CYTH3: variants seen among roughly 807,000 people sequenced by gnomAD.
The protein encoded by CYTH3 is cytohesin-3.
CYTH3 carries 23 observed loss-of-function variants against 55.1 expected under a neutral mutation model. That is an observed-to-expected ratio of 0.42 (90% confidence interval 0.30 to 0.59). CYTH3 has a LOEUF of 0.59. Ranked by LOEUF, CYTH3 falls within the 20% of genes least tolerant of loss-of-function variation. The pLI, the probability that CYTH3 is intolerant of heterozygous loss-of-function variation, is 0.20. For missense variants in CYTH3, 413 were observed against 524.8 expected (o/e 0.79, Z 2.08); for synonymous variants, 249 against 194.9 (o/e 1.28, Z -2.31).
chr7:6,193,749 G>A (rs532727066), intron 1 of CYTH3, among the ~76,000 whole-genome samples: 11 of 152,298 alleles, frequency 7.2e-5, no homozygotes, highest in African/African-American at 2.6e-4. Context: ...CGCCACGGAA[G>A]ACTGCTTATT....
chr7:6,232,781 T>C (rs1322682163), intron 1 of CYTH3, among the ~76,000 whole-genome samples: 1 of 152,148 alleles, frequency 6.6e-6, no homozygotes, highest in Non-Finnish European at 1.5e-5. Flanking sequence ...GTACTTCCTG[T>C]AGGTTCTGTA....
rs1050020091 is a variant in CYTH3 at position 6,272,602 on chromosome 7, C to T, written c.-95G>A. ...CGGAGGGAGCGCGCAGGCGACCGGGCGGCTCCTCAGCGCGCGGCCCGGGTC... is the reference window on the plus strand; with the variant it reads ...CGGAGGGAGCGCGCAGGCGACCGGGTGGCTCCTCAGCGCGCGGCCCGGGTC... On this transcript the variant is annotated 5_prime_UTR_variant, in exon 1 of 13. Coordinates refer to ENST00000350796, the MANE Select transcript of CYTH3 (RefSeq NM_004227.4). The T allele has an allele frequency of 1.4e-4, 143 of 995,992 alleles. No homozygotes were observed. Among genetic ancestry groups the T allele is most frequent in the Non-Finnish European group, 1.6e-4 (134 of 816,202 alleles). 61.7% of individuals were successfully genotyped at this position (995,992 alleles called of 1,614,324 possible).
intron 1 of CYTH3, among the ~76,000 whole-genome samples, chr7:6,204,118 G>A (rs1210907379): frequency 1.3e-5 from 2 of 151,894 alleles, no homozygotes; most frequent in East Asian, 1.9e-4. Context: ...TTCTAAGTGA[G>A]AAGGATTCAT....
chr7:6,185,605 C>G (rs1442505661), intron 4 of CYTH3, among the ~76,000 whole-genome samples: 4 of 151,404 alleles, frequency 2.6e-5, no homozygotes, highest in Non-Finnish European at 4.4e-5. Flanking sequence ...GAGGCTGAGG[C>G]AGGAGAATGG....
rs139638792 is a variant in CYTH3, at chr7:6,165,305, C to A, written c.1095G>T (p.Pro365=). 18 of 1,613,838 alleles carry A rather than the reference C, an allele frequency of 1.1e-5. No individual in the cohort carries two copies. The highest frequency in any genetic ancestry group is 6.7e-5 in the African/African-American group (5 of 75,058). ...HVVYRISAPS[P]EEKEEWMKSI... is the part of the protein sequence containing the mutation. ...ATTTCATCCACTCCTCCTTCTCCTCCGGGCTCGGGGCTGAGATCCGGTACA... is the reference window on the plus strand; with the variant it reads ...ATTTCATCCACTCCTCCTTCTCCTCAGGGCTCGGGGCTGAGATCCGGTACA... The change falls in exon 12 of 13, where the codon CCG becomes CCT. Residue 365 remains proline (P), a synonymous_variant. Transcript: ENST00000350796.
rs35516602 is a variant in CYTH3 at position 6,253,216 on chromosome 7, ATT to A, written c.34+19256_34+19257del. ...TCTTCAAAAAGGTGTCACGAAAACA[ATT>A]TTTTTTTTTTTTTTTTGAGACAGAG... On this transcript the variant is annotated intron_variant, in intron 1 of 12. Transcript: ENST00000350796. Among the ~76,000 whole-genome samples the A allele has an allele frequency of 4.3e-3, 604 of 139,366 alleles. 1 individual carries two copies. The highest frequency in any genetic ancestry group is 0.032 in the Middle Eastern group (9 of 278). 91.4% of individuals were successfully genotyped at this position (139,366 alleles called of 152,430 possible).
intron 1 of CYTH3, among the ~76,000 whole-genome samples, chr7:6,247,816 A>C (rs1251721989): frequency 6.6e-6 from 1 of 151,696 alleles, no homozygotes; most frequent in Non-Finnish European, 1.5e-5. Flanking sequence ...CACCTGGCCA[A>C]ATTTTTCTTG....
At chr7:6,179,329 G>T (rs1442292566) in intron 4 of CYTH3, among the ~76,000 whole-genome samples, 1 of 152,114 alleles carries the variant, frequency 6.6e-6, no homozygotes, top group Non-Finnish European at 1.5e-5. Context: ...ATTAAGGACT[G>T]GTTACCCTGG....
At chr7:6,235,010 T>C (rs978290371) in intron 1 of CYTH3, among the ~76,000 whole-genome samples, 5 of 152,056 alleles carry the variant, frequency 3.3e-5, no homozygotes, top group Non-Finnish European at 5.9e-5. Flanking sequence ...TAAATGATGT[T>C]CCCAATTTCA....
chr7:6,236,465 C>A (rs1334872150), intron 1 of CYTH3, among the ~76,000 whole-genome samples: 1 of 151,672 alleles, frequency 6.6e-6, no homozygotes, highest in Non-Finnish European at 1.5e-5. Flanking sequence ...CCAACTTGGC[C>A]TCCAAAAGCA....
At chr7:6,235,390 T>C (rs1196902303) in intron 1 of CYTH3, among the ~76,000 whole-genome samples, 4 of 150,412 alleles carry the variant, frequency 2.7e-5, no homozygotes, top group Non-Finnish European at 4.4e-5. Flanking sequence ...GGCAAGAGAA[T>C]CGCTTGAACC....
intron 1 of CYTH3, among the ~76,000 whole-genome samples, chr7:6,193,816 G>A (rs372831196): frequency 3.3e-5 from 5 of 152,138 alleles, no homozygotes; most frequent in African/African-American, 7.2e-5. Flanking sequence ...TTGAGGGCAA[G>A]GGCACCCTAC....
intron 1 of CYTH3, among the ~76,000 whole-genome samples, chr7:6,238,558 T>C (rs527984502): frequency 2.0e-4 from 30 of 152,150 alleles, no homozygotes; most frequent in African/African-American, 6.3e-4. Flanking sequence ...CAAAAGTAAA[T>C]GTAAAAAGAA....
chr7:6,167,360 G>A lies in CYTH3; in HGVS notation c.824-1550C>T, dbSNP rs761181544. On this transcript the variant is annotated intron_variant, in intron 9 of 12. Transcript: ENST00000350796. This position sits in a 1 kb window ranked among gnomAD's most constrained non-coding sequence, Gnocchi z 5.5. The stretch of plus-strand genomic sequence containing the variant: ...TATGTCCCCGAGACCCTAGGGACAG[G>A]AGGACAGTGCTGATTCCTTCCAGGC... Among the ~76,000 whole-genome samples, 59 of 152,164 alleles carry A rather than the reference G, an allele frequency of 3.9e-4. No homozygotes were observed. Among genetic ancestry groups the A allele is most frequent in the Non-Finnish European group, 8.8e-5 (6 of 68,028 alleles).
At chr7:6,244,754 T>C (rs147878486) in intron 1 of CYTH3, among the ~76,000 whole-genome samples, 32 of 152,244 alleles carry the variant, frequency 2.1e-4, no homozygotes, top group African/African-American at 7.7e-4. Context: ...TTTTCAGTCA[T>C]CCTGGAGGAA....
At chr7:6,272,328 G>A (rs1562425148) in intron 1 of CYTH3, 146 bp downstream of exon 1, 3 of 709,792 alleles carry the variant, frequency 4.2e-6, no homozygotes, top group Non-Finnish European at 5.6e-6. Flanking sequence ...GGCCCGGCGT[G>A]CCTCAGGCCT....
intron 1 of CYTH3, among the ~76,000 whole-genome samples, chr7:6,237,886 G>C (rs1383577929): frequency 1.3e-5 from 2 of 152,146 alleles, no homozygotes; most frequent in African/African-American, 4.8e-5. Flanking sequence ...AAGGATAGCA[G>C]GAGTGGCAAA....
chr7:6,269,154 T>C (rs1780585854), intron 1 of CYTH3, among the ~76,000 whole-genome samples: 1 of 152,070 alleles, frequency 6.6e-6, no homozygotes, highest in Admixed American at 6.5e-5. Flanking sequence ...TGGGAAATGT[T>C]GCCTGCAGGG....
Position 6,272,512 on chromosome 7 carries a change from A to G in CYTH3, c.-5T>C. On this transcript the variant is annotated 5_prime_UTR_variant, in exon 1 of 13. Coordinates refer to ENST00000350796, the MANE Select transcript of CYTH3 (RefSeq NM_004227.4). ...GCCGCCGCCGTCTTCATCCATCTTG[A>G]GGCCACTCCCGCAGCCGGCGAGCCG... 7.5e-7 allele frequency: 1 copy of G among 1,328,094 alleles called. No homozygotes were observed. Among genetic ancestry groups the G allele is most frequent in the Non-Finnish European group, 9.7e-7 (1 of 1,026,734 alleles). The allele number at this position is 1,328,094 out of a possible 1,614,324, so 82.3% of individuals were successfully genotyped here. A position where few individuals can be genotyped will look rare whatever the true frequency, so the allele number is the denominator to read the frequency against.
Sources: gnomAD v4.1 joint callset for allele counts (sites outside exome capture counted in the v4.1 genomes callset) on GRCh38, gnomAD v4.1.1 for gene constraint, Gnocchi (gnomAD v3.1) non-coding constraint, MANE v1.5 for transcripts, NCBI Gene and HGNC (gene_info 2026-07-23, HGNC 2026-07-21) for gene names.